MOGAT1: variants seen among roughly 807,000 people sequenced by gnomAD.
The protein encoded by MOGAT1 is 2-acylglycerol O-acyltransferase 1.
In MOGAT1, 32 loss-of-function variants were observed where a neutral mutation model predicts 31.4. The ratio of observed to expected loss-of-function variants is 1.02; its 90% CI spans 0.77 to 1.37. The LOEUF is 1.37. Among genes scored for constraint, MOGAT1 ranks in the 40% most tolerant of loss-of-function variants. MOGAT1 has a pLI of 0.00. For missense variants in MOGAT1, 426 were observed against 402.0 expected, an observed-to-expected ratio of 1.06 and a Z score of -0.51; for synonymous variants, 145 against 144.5, an observed-to-expected ratio of 1.00 and a Z score of -0.03.
At chr2:222,682,094 C>T (rs1692589202) in intron 1 of MOGAT1, among the ~76,000 whole-genome samples, 1 of 149,832 alleles carries the variant, frequency 6.7e-6, no homozygotes, top group Non-Finnish European at 1.5e-5. Context: ...AGCATTCTGC[C>T]ACATTTGCTT....
chr2:222,686,987 G>T (rs745356855), intron 1 of MOGAT1, among the ~76,000 whole-genome samples: 3 of 151,228 alleles, frequency 2.0e-5, no homozygotes, highest in Non-Finnish European at 4.4e-5. Context: ...GGTGGTGCGC[G>T]CCTATAATCC....
intron 5 of MOGAT1, among the ~76,000 whole-genome samples, chr2:222,705,579 G>A (rs1477117568): frequency 2.0e-5 from 3 of 152,206 alleles, no homozygotes; most frequent in Admixed American, 1.3e-4. Context: ...TCTTTTGGCT[G>A]GAGCCCATTC....
chr2:222,708,216 T>A (rs1048406772), intron 5 of MOGAT1, among the ~76,000 whole-genome samples: 1 of 152,176 alleles, frequency 6.6e-6, no homozygotes, highest in Non-Finnish European at 1.5e-5. Flanking sequence ...CCCGGGTAGC[T>A]GGGATTACAG....
At chr2:222,691,246 C>T (rs1189688456) in intron 3 of MOGAT1, among the ~76,000 whole-genome samples, 1 of 151,486 alleles carries the variant, frequency 6.6e-6, no homozygotes, top group African/African-American at 2.4e-5. Context: ...GCTCTTGTTG[C>T]CCAGGCTGGG....
intron 5 of MOGAT1, chr2:222,699,490 C>T (rs79847585): frequency 1.2e-3 from 96 of 77,602 alleles, no homozygotes; most frequent in Non-Finnish European, 1.4e-3. Flanking sequence ...GGAGATATTT[C>T]TTTTTTTTTT....
intron 5 of MOGAT1, among the ~76,000 whole-genome samples, chr2:222,695,616 T>A (rs1692826546): frequency 6.6e-6 from 1 of 152,230 alleles, no homozygotes; most frequent in Admixed American, 6.5e-5. Flanking sequence ...TGATGACAAG[T>A]CATATCAGAG....
At chr2:222,675,731 G>T (rs1053920688) in intron 1 of MOGAT1, among the ~76,000 whole-genome samples, 1 of 151,802 alleles carries the variant, frequency 6.6e-6, no homozygotes, top group Non-Finnish European at 1.5e-5. Flanking sequence ...TGCCTGCCTC[G>T]GCCTCCCAAA....
intron 5 of MOGAT1, chr2:222,698,914 A>C (rs1360347643): frequency 2.0e-5 from 3 of 153,440 alleles, no homozygotes; most frequent in Non-Finnish European, 4.4e-5. Flanking sequence ...GAGACACAGC[A>C]AACTCCAGCA....
chr2:222,703,028 C>G (rs1692949013), intron 5 of MOGAT1, among the ~76,000 whole-genome samples: 1 of 152,098 alleles, frequency 6.6e-6, no homozygotes, highest in South Asian at 2.1e-4. Context: ...GGGTCACTGG[C>G]TGGGCCTGAG....
chr2:222,701,634 G>A (rs1453361340), intron 5 of MOGAT1, among the ~76,000 whole-genome samples: 12 of 148,342 alleles, frequency 8.1e-5, no homozygotes, highest in Admixed American at 7.4e-4. Flanking sequence ...GAAGGACGTC[G>A]GGAAGGAAAG....
At chr2:222,685,629 T>C (rs1692652820) in intron 1 of MOGAT1, among the ~76,000 whole-genome samples, 1 of 143,352 alleles carries the variant, frequency 7.0e-6, no homozygotes, top group Non-Finnish European at 1.5e-5. Context: ...GAGAGGAGTC[T>C]CTCTCTTGTT....
intron 5 of MOGAT1, among the ~76,000 whole-genome samples, chr2:222,695,720 C>T (rs968490614): frequency 4.0e-5 from 6 of 151,794 alleles, no homozygotes; most frequent in Non-Finnish European, 5.9e-5. Context: ...TTTTTTTTTG[C>T]AGCTAGCTGT....
intron 1 of MOGAT1, among the ~76,000 whole-genome samples, chr2:222,687,970 G>A (rs1051109973): frequency 4.6e-5 from 7 of 152,082 alleles, no homozygotes; most frequent in African/African-American, 1.7e-4. Flanking sequence ...TGTGGCTTGG[G>A]CAACTCACTT....
At chr2:222,678,605 A>T (rs1692532176) in intron 1 of MOGAT1, among the ~76,000 whole-genome samples, 1 of 152,128 alleles carries the variant, frequency 6.6e-6, no homozygotes, top group South Asian at 2.1e-4. Flanking sequence ...AATTGTATCC[A>T]TTTTTTTAAT....
chr2:222,689,322 C>T lies in MOGAT1; in HGVS notation c.331C>T (p.His111Tyr), dbSNP rs866019893. 4 of 1,614,022 alleles carry T rather than the reference C, an allele frequency of 2.5e-6. No individual in the cohort carries two copies. The highest frequency in any genetic ancestry group is 3.4e-6 in the Non-Finnish European group (4 of 1,179,878). ...SHNYIFGFHP[H>Y]GIMAVGAFGN... The stretch of plus-strand genomic sequence containing the variant: ...CAACTATATATTTGGGTTTCACCCC[C>T]ATGGAATAATGGCAGTTGGAGCCTT... Residue 111 changes from histidine (H) to tyrosine (Y), a missense_variant, in exon 3 of 6, where the codon CAT becomes TAT. His to Tyr is a moderately conservative substitution (Grantham distance 83). Transcript: ENST00000446656.
At chr2:222,704,778 A>G (rs1328210050) in intron 5 of MOGAT1, among the ~76,000 whole-genome samples, 1 of 152,146 alleles carries the variant, frequency 6.6e-6, no homozygotes, top group Non-Finnish European at 1.5e-5. Context: ...AGCTCTCATG[A>G]TAAGTAAGAG....
At chr2:222,679,668 A>ATG (rs1692550049) in intron 1 of MOGAT1, among the ~76,000 whole-genome samples, 1 of 152,246 alleles carries the variant, frequency 6.6e-6, no homozygotes, top group Non-Finnish European at 1.5e-5. Flanking sequence ...TAGCAAAGGA[A>ATG]TCCACATGTT....
intron 1 of MOGAT1, among the ~76,000 whole-genome samples, chr2:222,677,241 A>G (rs1054922407): frequency 1.3e-5 from 2 of 152,224 alleles, no homozygotes; most frequent in African/African-American, 4.8e-5. Flanking sequence ...TTATCTTTAC[A>G]TATTTACAAG....
intron 1 of MOGAT1, among the ~76,000 whole-genome samples, chr2:222,682,554 G>C (rs1692599434): frequency 6.6e-6 from 1 of 152,108 alleles, no homozygotes; most frequent in Non-Finnish European, 1.5e-5. Flanking sequence ...CCCTTTATTG[G>C]TGGTGCTAAA....
Sources: gnomAD v4.1 joint callset for allele counts (sites outside exome capture counted in the v4.1 genomes callset) on GRCh38, gnomAD v4.1.1 for gene constraint, MANE v1.5 for transcripts, NCBI Gene and HGNC (gene_info 2026-07-23, HGNC 2026-07-21) for gene names.